The following EEF2K variants were observed in gnomAD, a reference collection of about 807,000 sequenced individuals.
EEF2K encodes the protein eukaryotic elongation factor 2 kinase.
In EEF2K, 70 loss-of-function variants were observed where a neutral mutation model predicts 93.8. The ratio of observed to expected loss-of-function variants is 0.75; its 90% confidence interval spans 0.62 to 0.91. The LOEUF (loss-of-function observed/expected upper bound fraction) is 0.91, where lower values mean the gene tolerates loss of function less well. Among genes scored for constraint, EEF2K ranks in the 40% least tolerant of loss-of-function variants. The pLI is 0.00. For missense variants in EEF2K, 935 were observed against 972.9 expected, an observed-to-expected ratio of 0.96 and a Z score of 0.52; for synonymous variants, 376 against 380.8, an observed-to-expected ratio of 0.99 and a Z score of 0.15.
chr16:22,208,738 TA>T (rs34094244), intron 1 of EEF2K, among the ~76,000 whole-genome samples: 69 of 147,290 alleles, frequency 4.7e-4, no homozygotes, highest in Admixed American at 6.1e-4. Flanking sequence ...GGTCTCTATT[TA>T]AAAAAAAAAA....
At chr16:22,258,329 T>C (rs569183132) in intron 9 of EEF2K, among the ~76,000 whole-genome samples, 165 bp from the exon 10 acceptor site, 2 of 152,198 alleles carry the variant, frequency 1.3e-5, no homozygotes. Flanking sequence ...TTAGGTTTAA[T>C]CCCTGACTGA....
At chr16:22,266,348 A>AC (rs982459806) in intron 13 of EEF2K, 42 bp from the exon 14 acceptor site, 4 of 1,580,656 alleles carry the variant, frequency 2.5e-6, no homozygotes, top group African/African-American at 2.7e-5. Flanking sequence ...TGCTGCGTCC[A>AC]CCCCCAGCCC....
chr16:22,254,787 C>G (rs1314995976), intron 6 of EEF2K, among the ~76,000 whole-genome samples: 1 of 152,092 alleles, frequency 6.6e-6, no homozygotes, highest in Non-Finnish European at 1.5e-5. Context: ...AAATGAGTTG[C>G]CAGGCACAGT....
At chr16:22,248,907 C>T in intron 4 of EEF2K, 92 bp downstream of exon 4, 2 of 1,262,660 alleles carry the variant, frequency 1.6e-6, no homozygotes, top group Non-Finnish European at 1.1e-6. Flanking sequence ...CCCACTCCCA[C>T]TTTATTTAAT....
chr16:22,264,844 CGA>C lies in EEF2K; in HGVS notation c.1406_1407del (p.Glu469ValfsTer2). On this transcript the variant is annotated frameshift_variant, in exon 13 of 18. Coordinates refer to ENST00000263026, the MANE Select transcript of EEF2K (RefSeq NM_013302.5). LOFTEE classifies it high-confidence loss of function. ...HGHSYSNRKY[E>X]SDEDSLGSSG... Reference sequence around the variant, plus strand: ...GCCACTCATACAGTAATCGGAAGTACGAGTCTGACGAAGACAGCCTGGGCAGC... The same window carrying C: ...GCCACTCATACAGTAATCGGAAGTACGTCTGACGAAGACAGCCTGGGCAGC... 6.2e-7 allele frequency: 1 copy of C among 1,613,972 alleles called. No homozygotes were observed. Among genetic ancestry groups the C allele is most frequent in the Non-Finnish European group, 8.5e-7 (1 of 1,179,948 alleles).
intron 2 of EEF2K, among the ~76,000 whole-genome samples, chr16:22,240,462 T>C (rs2047210866): frequency 6.6e-6 from 1 of 152,162 alleles, no homozygotes. Context: ...CAGTTACATT[T>C]CCCAAAAAAT....
intron 2 of EEF2K, among the ~76,000 whole-genome samples, chr16:22,232,846 A>G (rs543533676): frequency 6.6e-6 from 1 of 151,564 alleles, no homozygotes; most frequent in African/African-American, 2.4e-5. Flanking sequence ...CAGCTTTCCA[A>G]CCTTTGTTCC....
At chr16:22,265,573 T>C (rs2047508757) in intron 13 of EEF2K, among the ~76,000 whole-genome samples, 1 of 152,190 alleles carries the variant, frequency 6.6e-6, no homozygotes, top group Non-Finnish European at 1.5e-5. Context: ...TACCCTGTGG[T>C]ATTTTGTAGC....
At chr16:22,227,974 T>C (rs1350466076) in intron 2 of EEF2K, among the ~76,000 whole-genome samples, 8 of 150,730 alleles carry the variant, frequency 5.3e-5, no homozygotes, top group Non-Finnish European at 1.2e-4. Flanking sequence ...AGCCATCCTA[T>C]GTAGTTACAG....
At chr16:22,218,936 T>TAA (rs11370005) in intron 1 of EEF2K, among the ~76,000 whole-genome samples, 2,023 of 111,940 alleles carry the variant, frequency 0.018, 46 homozygotes, top group East Asian at 0.084. Context: ...ACAAAAAAAT[T>TAA]AAAAAAAAAA....
At chr16:22,238,667 G>GAAAAA (rs10708756) in intron 2 of EEF2K, among the ~76,000 whole-genome samples, 1 of 93,460 alleles carries the variant, frequency 1.1e-5, no homozygotes, top group Non-Finnish European at 2.2e-5. Flanking sequence ...AAGAAAAAAG[G>GAAAAA]AAAAAAAAAA....
chr16:22,214,936 T>G (rs1181313674), intron 1 of EEF2K, among the ~76,000 whole-genome samples: 1 of 152,164 alleles, frequency 6.6e-6, no homozygotes, highest in African/African-American at 2.4e-5. Flanking sequence ...GGAGTGGGCT[T>G]GAGCAGATTG....
Position 22,264,811 on chromosome 16 carries a change from C to T in EEF2K, c.1378-7C>T, listed in dbSNP as rs2047500929. ...TTTGGATCAGTGTAATTTCTTCCTCCGTTCAGGGCCACTCATACAGTAATC... is the reference window on the plus strand; with the variant it reads ...TTTGGATCAGTGTAATTTCTTCCTCTGTTCAGGGCCACTCATACAGTAATC... On this transcript the variant is annotated splice_polypyrimidine_tract_variant and splice_region_variant and intron_variant, in intron 12 of 17. Transcript: ENST00000263026. The T allele has an allele frequency of 5.6e-6, 9 of 1,613,662 alleles. No homozygotes were observed. Among genetic ancestry groups the T allele is most frequent in the East Asian group, 2.2e-5 (1 of 44,876 alleles).
At chr16:22,255,039 C>CCAGCCTGGGCAA (rs906645219) in intron 6 of EEF2K, among the ~76,000 whole-genome samples, 1 of 152,098 alleles carries the variant, frequency 6.6e-6, no homozygotes, top group African/African-American at 2.4e-5. Context: ...CCACTGCAGT[C>CCAGCCTGGGCAA]CAGCCTGGGC....
chr16:22,267,234 CT>C (rs1193752880), intron 15 of EEF2K, among the ~76,000 whole-genome samples: 3 of 152,236 alleles, frequency 2.0e-5, no homozygotes, highest in Non-Finnish European at 2.9e-5. Flanking sequence ...GTGTGTATCC[CT>C]AGTGGCTGGG....
intron 1 of EEF2K, among the ~76,000 whole-genome samples, chr16:22,224,844 G>A (rs373686532): frequency 4.5e-4 from 68 of 151,896 alleles, no homozygotes; most frequent in South Asian, 1.0e-3. Flanking sequence ...TCCCAGCTAC[G>A]CGCGAGGCTG....
At chr16:22,227,172 C>T (rs2047073088) in intron 2 of EEF2K, among the ~76,000 whole-genome samples, 1 of 152,176 alleles carries the variant, frequency 6.6e-6, no homozygotes, top group South Asian at 2.1e-4. Context: ...GCACTCCAGC[C>T]TGGACAGCAA....
At chr16:22,273,530 A>G in intron 15 of EEF2K, 96 bp from the exon 16 acceptor site, 1 of 1,534,040 alleles carries the variant, frequency 6.5e-7, no homozygotes, top group Non-Finnish European at 8.8e-7. Context: ...CGGAGCTCTC[A>G]AAAAACAGGG....
Position 22,257,182 on chromosome 16 carries a change from A to G in EEF2K, c.769-71A>G. On this transcript the variant is annotated intron_variant, in intron 7 of 17. Transcript: ENST00000263026. Reference sequence around the variant, plus strand: ...AGAGAAAGCCCCTCAGCATGGGCAGAGGCGTGGCCAGTGCCTGCACAGACC... The same window carrying G: ...AGAGAAAGCCCCTCAGCATGGGCAGGGGCGTGGCCAGTGCCTGCACAGACC... 5 of 1,601,720 alleles carry G rather than the reference A, an allele frequency of 3.1e-6. No individual in the cohort carries two copies. In the South Asian group the frequency reaches 4.5e-5, roughly 14 times the overall value.
Sources: gnomAD v4.1 joint callset for allele counts (sites outside exome capture counted in the v4.1 genomes callset) on GRCh38, gnomAD v4.1.1 for gene constraint, MANE v1.5 for transcripts, NCBI Gene and HGNC (gene_info 2026-07-23, HGNC 2026-07-21) for gene names.